ARID5A: variants seen among roughly 807,000 people sequenced by gnomAD.
The protein encoded by ARID5A is AT-rich interactive domain-containing protein 5A.
A neutral mutation model predicts 30.5 loss-of-function variants in ARID5A; 14 were observed. The ratio of observed to expected loss-of-function variants is 0.46; its 90% CI spans 0.30 to 0.72. ARID5A has a LOEUF of 0.72. Ranked by LOEUF, ARID5A falls within the 30% of genes least tolerant of loss-of-function variation. ARID5A has a pLI of 0.07. For synonymous variants in ARID5A, 338 were observed against 340.4 expected, an observed-to-expected ratio of 0.99 and a Z score of 0.08; for missense variants, 669 against 786.2, an observed-to-expected ratio of 0.85 and a Z score of 1.78.
chr2:96,539,510 T>C lies in ARID5A; in HGVS notation c.4+2680T>C, dbSNP rs1558612532. ...CCTGCCTTTGCTTCGCCAGGTTGGT[T>C]GGGCCCTGGCCAGAGCTGGCCCCCT... On this transcript the variant is annotated intron_variant, in intron 1 of 6. Coordinates refer to ENST00000357485, the MANE Select transcript of ARID5A (RefSeq NM_212481.3). This position sits in a 1 kb window ranked among gnomAD's most constrained non-coding sequence, Gnocchi z 4.7. Among the ~76,000 whole-genome samples, 1 of 152,250 alleles carries C rather than the reference T, an allele frequency of 6.6e-6. No individual in the cohort carries two copies. Among genetic ancestry groups the C allele is most frequent in the African/African-American group, 2.4e-5 (1 of 41,466 alleles).
chr2:96,545,783 G>A (rs763044098), intron 1 of ARID5A, among the ~76,000 whole-genome samples: 13 of 151,782 alleles, frequency 8.6e-5, no homozygotes, highest in South Asian at 4.2e-4. Context: ...GTGAAACCCC[G>A]TCTCTACTAA....
chr2:96,545,035 T>C (rs150346528), intron 1 of ARID5A, among the ~76,000 whole-genome samples: 4 of 152,290 alleles, frequency 2.6e-5, no homozygotes, highest in Non-Finnish European at 5.9e-5. Flanking sequence ...AGGATGAGAC[T>C]GAATTGCTGC....
At chr2:96,543,247 C>T (rs530078508) in intron 1 of ARID5A, among the ~76,000 whole-genome samples, 3 of 152,328 alleles carry the variant, frequency 2.0e-5, no homozygotes, top group Admixed American at 2.0e-4. Flanking sequence ...AAGCAACTTA[C>T]CCATAACCAT....
chr2:96,537,612 G>A lies in ARID5A; in HGVS notation c.4+782G>A, dbSNP rs1191505446. 1 of 152,784 alleles carries A rather than the reference G, an allele frequency of 6.5e-6. No individual in the cohort carries two copies. Among genetic ancestry groups the A allele is most frequent in the East Asian group, 1.9e-4 (1 of 5,196 alleles). The allele number at this position is 152,784 out of a possible 1,614,324, so 9.5% of individuals were successfully genotyped here. A position where few individuals can be genotyped will look rare whatever the true frequency, so the allele number is the denominator to read the frequency against. On this transcript the variant is annotated intron_variant, in intron 1 of 6. Transcript: ENST00000357485. This position sits in a 1 kb window ranked among gnomAD's most constrained non-coding sequence, Gnocchi z 4.8. ...TTGTCTTCCCTCGGTCTGCAGAAGG[G>A]ACGGGGTGGCGGCTGGGGAGCGTCA...
At chr2:96,538,357 G>A (rs997770867) in intron 1 of ARID5A, 2 of 983,792 alleles carry the variant, frequency 2.0e-6, no homozygotes, top group Non-Finnish European at 2.4e-6. Context: ...TTGGAAGTTG[G>A]TAGCCTCACA....
In ARID5A at chr2:96,549,541, C is replaced by T. The variant is rs1024926737; in HGVS notation, c.259+82C>T. The T allele has an allele frequency of 1.3e-6, 2 of 1,561,024 alleles. No individual in the cohort carries two copies. The highest frequency in any genetic ancestry group is 1.8e-5 in the Admixed American group (1 of 55,658). On this transcript the variant is annotated intron_variant, in intron 3 of 6. Coordinates refer to ENST00000357485, the MANE Select transcript of ARID5A (RefSeq NM_212481.3). This position sits in a 1 kb window ranked among gnomAD's most constrained non-coding sequence, Gnocchi z 6.1. ...AGGGCATCGGGCAGGCACTCCCACT[C>T]TGGGTGACCCAGGTTGCAGATAGAA...
At chr2:96,538,992 G>T (rs2065796063) in intron 1 of ARID5A, among the ~76,000 whole-genome samples, 1 of 152,174 alleles carries the variant, frequency 6.6e-6, no homozygotes, top group Non-Finnish European at 1.5e-5. Context: ...GGCAACAGGG[G>T]TCTGTAAGTC....
In ARID5A at chr2:96,536,760, G is replaced by T; in HGVS notation, c.-67G>T. ...CCGCGCCGCGAGCCAGTATCTCAGA[G>T]AGCGCGGGGTCCGGACAGCCGCGCG... is the stretch of plus-strand genomic sequence containing the variant. On this transcript the variant is annotated 5_prime_UTR_variant, in exon 1 of 7. Coordinates refer to ENST00000357485, the MANE Select transcript of ARID5A (RefSeq NM_212481.3). The T allele has an allele frequency of 8.3e-7, 1 of 1,210,982 alleles. No individual in the cohort carries two copies. The allele number at this position is 1,210,982 out of a possible 1,614,324, so 75.0% of individuals were successfully genotyped here. A position where few individuals can be genotyped will look rare whatever the true frequency, so the allele number is the denominator to read the frequency against.
chr2:96,549,601 G>A lies in ARID5A; in HGVS notation c.259+142G>A. ...CCCTCCAGGCTGCCACTGGGCCAGGGGTGCACAGGGCACAGCCTGCCCGTC... is the reference window on the plus strand; with the variant it reads ...CCCTCCAGGCTGCCACTGGGCCAGGAGTGCACAGGGCACAGCCTGCCCGTC... On this transcript the variant is annotated intron_variant, in intron 3 of 6. Transcript: ENST00000357485. The surrounding 1 kb of genome is among the most constrained non-coding windows in gnomAD (Gnocchi z 6.1). 3 of 1,481,752 alleles carry A rather than the reference G, an allele frequency of 2.0e-6. No individual in the cohort carries two copies. Among genetic ancestry groups the A allele is most frequent in the South Asian group, 2.3e-5 (2 of 85,292 alleles). The allele number at this position is 1,481,752 out of a possible 1,614,324, so 91.8% of individuals were successfully genotyped here.
rs762145488 is a variant in ARID5A, at chr2:96,552,132, C to G, written c.1604C>G (p.Pro535Arg). 6.2e-7 allele frequency: 1 copy of G among 1,612,358 alleles called. No homozygotes were observed. The highest frequency in any genetic ancestry group is 2.2e-5 in the East Asian group (1 of 44,862). Reference sequence around the variant, plus strand: ...AGCCCCCTGGTCATCCCGGCCTTCCCGGCCCACTTCCTGGCCACCGCAGGC... The same window carrying G: ...AGCCCCCTGGTCATCCCGGCCTTCCGGGCCCACTTCCTGGCCACCGCAGGC... ...PFSPLVIPAF[P>R]AHFLATAGPS... The change falls in exon 7 of 7, where the codon CCG (proline) becomes CGG (arginine). Residue 535 changes from proline to arginine, a missense_variant. Around this residue, in one of 4 missense-constraint regions of ARID5A, gnomAD observed 548 missense variants for 577.4 expected, o/e 0.95. Coordinates refer to ENST00000357485, the MANE Select transcript of ARID5A (RefSeq NM_212481.3).
rs867413882 is a variant in ARID5A, at chr2:96,549,997, C to T, written c.313-191C>T. 1.6e-5 allele frequency: 24 copies of T among 1,534,504 alleles called. No individual in the cohort carries two copies. In the East Asian group the frequency reaches 5.6e-4, roughly 36 times the overall value. On this transcript the variant is annotated intron_variant, in intron 4 of 6. Transcript: ENST00000357485. This position sits in a 1 kb window ranked among gnomAD's most constrained non-coding sequence, Gnocchi z 6.1. ...CAGCCTTCCCCATCTGTTCTGCCCG[C>T]CCCGTGTTGGGAAAACTGCTTGGGC...
Position 96,551,748 on chromosome 2 carries a change from G to A in ARID5A, c.1220G>A (p.Gly407Asp), listed in dbSNP as rs752421977. 6.6e-7 allele frequency: 1 copy of A among 1,521,048 alleles called. No homozygotes were observed. The highest frequency in any genetic ancestry group is 8.8e-7 in the Non-Finnish European group (1 of 1,136,556). 94.2% of individuals were successfully genotyped at this position (1,521,048 alleles called of 1,614,324 possible). ...TTCCATAAAGGTGGCTCCAGAAAGG[G>A]CATCCTCTACCCCAAGCCCAAAGCC... Reference protein sequence around the residue: ...SAFHKGGSRKGILYPKPKACW... With the variant: ...SAFHKGGSRKDILYPKPKACW... Residue 407 changes from glycine (G) to aspartate (D), a missense_variant, in exon 7 of 7, where the codon GGC becomes GAC. Physicochemically the swap from Gly to Asp is moderately conservative, Grantham distance 94. This residue lies in a region of ARID5A where 548 missense variants were observed against 577.4 expected (regional missense o/e 0.95). Transcript: ENST00000357485.
rs1331767869 is a variant in ARID5A, at chr2:96,539,160, T to C, written c.4+2330T>C. On this transcript the variant is annotated intron_variant, in intron 1 of 6. Coordinates refer to ENST00000357485, the MANE Select transcript of ARID5A (RefSeq NM_212481.3). This position sits in a 1 kb window ranked among gnomAD's most constrained non-coding sequence, Gnocchi z 4.7. ...AGCCTCCTTTCTCTTCTCACTTTTT[T>C]CTGCTGAGAACATTGGGCACATTGA... is the stretch of plus-strand genomic sequence containing the variant. Among the ~76,000 whole-genome samples the C allele has an allele frequency of 1.3e-5, 2 of 152,188 alleles. No homozygotes were observed. The highest frequency in any genetic ancestry group is 6.5e-5 in the Admixed American group (1 of 15,282).
intron 1 of ARID5A, among the ~76,000 whole-genome samples, chr2:96,542,732 A>T (rs2065867027): frequency 6.6e-6 from 1 of 152,202 alleles, no homozygotes; most frequent in Non-Finnish European, 1.5e-5. Context: ...GCCAAGGGTC[A>T]CATAGCAAGT....
Position 96,537,692 on chromosome 2 carries a change from G to C in ARID5A, c.4+862G>C, listed in dbSNP as rs2065763546. 2 of 192,144 alleles carry C rather than the reference G, an allele frequency of 1.0e-5. No homozygotes were observed. The highest frequency in any genetic ancestry group is 9.5e-6 in the Non-Finnish European group (1 of 104,768). 11.9% of individuals were successfully genotyped at this position (192,144 alleles called of 1,614,324 possible). A position where few individuals can be genotyped will look rare whatever the true frequency, so the allele number is the denominator to read the frequency against. On this transcript the variant is annotated intron_variant, in intron 1 of 6. Transcript: ENST00000357485. This position sits in a 1 kb window ranked among gnomAD's most constrained non-coding sequence, Gnocchi z 4.8. ...GCTTGCAGGCGATGCCCGGCTTCGC[G>C]CTCGGCGGGAGCTGCGGGCCAACCC...
chr2:96,544,576 G>T (rs1052555260), intron 1 of ARID5A, among the ~76,000 whole-genome samples: 2 of 152,188 alleles, frequency 1.3e-5, no homozygotes, highest in African/African-American at 4.8e-5. Flanking sequence ...AGTATTTTAA[G>T]CCAACTGTTG....
rs755170497 is a variant in ARID5A at position 96,551,743 on chromosome 2, A to G, written c.1215A>G (p.Arg405=). 6.6e-7 allele frequency: 1 copy of G among 1,519,552 alleles called. No individual in the cohort carries two copies. The highest frequency in any genetic ancestry group is 1.3e-5 in the South Asian group (1 of 75,752). 94.1% of individuals were successfully genotyped at this position (1,519,552 alleles called of 1,614,324 possible). A position where few individuals can be genotyped will look rare whatever the true frequency, so the allele number is the denominator to read the frequency against. ...CTGCGTTCCATAAAGGTGGCTCCAG[A>G]AAGGGCATCCTCTACCCCAAGCCCA... ...RPSAFHKGGS[R]KGILYPKPKA... is the part of the protein sequence containing the mutation. Residue 405 remains arginine, a synonymous_variant, in exon 7 of 7, where the codon AGA becomes AGG. Transcript: ENST00000357485.
Position 96,551,576 on chromosome 2 carries a change from G to A in ARID5A, c.1048G>A (p.Glu350Lys), listed in dbSNP as rs776437440. The change falls in exon 7 of 7, where the codon GAG becomes AAG. Residue 350 changes from glutamate (E) to lysine (K), a missense_variant. Physicochemically the swap from Glu to Lys is moderately conservative, Grantham distance 56. Coordinates refer to ENST00000357485, the MANE Select transcript of ARID5A (RefSeq NM_212481.3). Reference protein sequence around the residue: ...FKGCFYTHPTEVLKPVSQHPR... With the variant: ...FKGCFYTHPTKVLKPVSQHPR... ...GGGCTGCTTCTACACCCACCCCACC[G>A]AGGTGCTGAAGCCTGTCAGCCAGCA... 4.1e-5 allele frequency: 66 copies of A among 1,595,080 alleles called. No homozygotes were observed. The highest frequency in any genetic ancestry group is 3.4e-4 in the Middle Eastern group (2 of 5,938).
intron 1 of ARID5A, among the ~76,000 whole-genome samples, chr2:96,546,031 C>G (rs2065922360): frequency 6.6e-6 from 1 of 152,142 alleles, no homozygotes; most frequent in African/African-American, 2.4e-5. Context: ...GTCACCCCAG[C>G]CCAAGAAACC....
Sources: allele counts gnomAD v4.1 joint callset (sites outside exome capture counted in the v4.1 genomes callset), GRCh38; gene constraint gnomAD v4.1.1; regional missense constraint gnomAD v4.1.1; non-coding constraint Gnocchi (gnomAD v3.1); transcripts MANE v1.5; gene names NCBI Gene and HGNC (gene_info 2026-07-23, HGNC 2026-07-21).